The following SLC13A3 variants were observed in gnomAD, a reference collection of about 807,000 sequenced individuals.
SLC13A3 encodes solute carrier family 13 member 3.
SLC13A3 carries 40 observed loss-of-function variants against 59.0 expected under a neutral mutation model. The observed-to-expected ratio is 0.68, with a 90% CI of 0.53 to 0.88. SLC13A3 has a LOEUF of 0.88. Among genes scored for constraint, SLC13A3 ranks in the 40% least tolerant of loss-of-function variants. SLC13A3 has a pLI of 0.00. For synonymous variants in SLC13A3, 317 were observed against 330.3 expected (o/e 0.96, Z 0.44); for missense variants, 699 against 783.2 (o/e 0.89, Z 1.28).
intron 1 of SLC13A3, among the ~76,000 whole-genome samples, chr20:46,678,339 G>T (rs901191351): frequency 6.6e-6 from 1 of 152,236 alleles, no homozygotes; most frequent in East Asian, 1.9e-4. Context: ...GCGGCCTGGG[G>T]TCTCTATCTG....
At chr20:46,566,885 G>C (rs1300145850) in intron 10 of SLC13A3, among the ~76,000 whole-genome samples, 1 of 151,398 alleles carries the variant, frequency 6.6e-6, no homozygotes, top group Non-Finnish European at 1.5e-5. Flanking sequence ...ACACGTATCA[G>C]ATATACATCA....
chr20:46,604,849 G>A (rs915901480), intron 3 of SLC13A3, among the ~76,000 whole-genome samples: 43 of 152,328 alleles, frequency 2.8e-4, no homozygotes, highest in African/African-American at 8.4e-4. Flanking sequence ...AAGGTTGGGG[G>A]CAAAGTTGCT....
At chr20:46,596,672 G>A (rs1345095482) in intron 4 of SLC13A3, among the ~76,000 whole-genome samples, 1 of 152,196 alleles carries the variant, frequency 6.6e-6, no homozygotes, top group Non-Finnish European at 1.5e-5. Flanking sequence ...CTATTAAATG[G>A]ATGCTTACTA....
upstream of SLC13A3, among the ~76,000 whole-genome samples, chr20:46,653,340 GT>G (rs924054239): frequency 3.3e-5 from 5 of 152,292 alleles, no homozygotes; most frequent in East Asian, 9.6e-4. Context: ...TTTCTCGTAT[GT>G]TTAGTTTGCT....
At chr20:46,632,911 A>AGCTCTTTATCTACCCACCCAGATC (rs1253627891) in intron 1 of SLC13A3, among the ~76,000 whole-genome samples, 2,244 of 55,126 alleles carry the variant, frequency 0.041, 126 homozygotes, top group East Asian at 0.064. Flanking sequence ...ATAGATAGAT[A>AGCTCTTTATCTACCCACCCAGATC]TATCTATCTA....
chr20:46,589,303 A>G (rs772523743), intron 6 of SLC13A3, 48 bp from the exon 7 acceptor site: 1 of 1,515,594 alleles, frequency 6.6e-7, no homozygotes, highest in South Asian at 1.1e-5. Context: ...AGGTATAACT[A>G]ACTTCTCACC....
intron 1 of SLC13A3, among the ~76,000 whole-genome samples, chr20:46,675,616 T>G (rs1036734056): frequency 4.0e-4 from 60 of 151,226 alleles, no homozygotes; most frequent in African/African-American, 1.4e-3. Flanking sequence ...AACTAAACTG[T>G]GTCATCCAGG....
intron 2 of SLC13A3, among the ~76,000 whole-genome samples, chr20:46,612,532 C>G (rs1238846221): frequency 1.3e-5 from 2 of 151,960 alleles, no homozygotes. Flanking sequence ...TGTGATTAGG[C>G]CTATCACTCG....
At chr20:46,568,063 T>C (rs997414315) in intron 10 of SLC13A3, among the ~76,000 whole-genome samples, 1 of 152,110 alleles carries the variant, frequency 6.6e-6, no homozygotes, top group Admixed American at 6.6e-5. Context: ...AAGTCCCTGC[T>C]TACTCAGAAC....
At chr20:46,583,525 C>T (rs773232079) in intron 9 of SLC13A3, 47 bp downstream of exon 9, 44 of 1,584,022 alleles carry the variant, frequency 2.8e-5, no homozygotes, top group East Asian at 2.0e-4. Flanking sequence ...CACTCCATGC[C>T]GCAGTCCTCA....
chr20:46,657,773 G>A (rs1359005037), intron 1 of SLC13A3, among the ~76,000 whole-genome samples: 7 of 152,274 alleles, frequency 4.6e-5, no homozygotes, highest in South Asian at 2.1e-4. Context: ...GCTTTTACTC[G>A]TGGCAGAAGG....
intron 2 of SLC13A3, 64 bp from the exon 3 acceptor site, chr20:46,610,673 A>C: frequency 7.1e-7 from 1 of 1,411,408 alleles, no homozygotes; most frequent in South Asian, 1.3e-5. Flanking sequence ...CTCTGGTCCC[A>C]GTTTGCCATC....
At chr20:46,564,178 G>C (rs1490405638) in intron 11 of SLC13A3, among the ~76,000 whole-genome samples, 1 of 152,174 alleles carries the variant, frequency 6.6e-6, no homozygotes, top group East Asian at 1.9e-4. Flanking sequence ...ACCTCTTGTT[G>C]GGGGCATCCC....
At chr20:46,596,432 A>G in intron 4 of SLC13A3, 90 bp from the exon 5 acceptor site, 4 of 1,224,760 alleles carry the variant, frequency 3.3e-6, no homozygotes, top group Non-Finnish European at 4.7e-6. Flanking sequence ...TGATCTTTCT[A>G]GAAGGTAATT....
rs1237702744 is a variant in SLC13A3, at chr20:46,596,338, CT to C, written c.612del (p.Asp205ThrfsTer69). 6.2e-7 allele frequency: 1 copy of C among 1,613,814 alleles called. No homozygotes were observed. Among genetic ancestry groups the C allele is most frequent in the South Asian group, 1.1e-5 (1 of 91,024 alleles). On this transcript the variant is annotated frameshift_variant, in exon 5 of 13. Coordinates refer to ENST00000279027, the MANE Select transcript of SLC13A3 (RefSeq NM_022829.6). LOFTEE classifies it high-confidence loss of function. Reference protein sequence around the residue: ...EMQFLASTEAKDHPGETEVPL... With the variant: ...EMQFLASTEAXDHPGETEVPL... ...GGAACCTCTGTCTCCCCAGGGTGGT[CT>C]TTGCTTTAAACAAATCCAAAGAGAA...
intron 3 of SLC13A3, among the ~76,000 whole-genome samples, chr20:46,609,692 G>C (rs1475893436): frequency 6.6e-6 from 1 of 152,164 alleles, no homozygotes; most frequent in Non-Finnish European, 1.5e-5. Flanking sequence ...ATTTATAGAA[G>C]TACATGGTTC....
chr20:46,610,494 G>T lies in SLC13A3; in HGVS notation c.493C>A (p.Gln165Lys). ...CTGGGGTCCTTTCGAACCTCCTTCT[G>T]GCCAAAGAGACTTTTCAGGATGGCA... The part of the protein sequence containing the change: ...ANAILKSLFG[Q>K]KEVRKDPSQE... Residue 165 changes from glutamine to lysine, a missense_variant, in exon 3 of 13, where the codon CAG becomes AAG. Transcript: ENST00000279027. The T allele has an allele frequency of 6.2e-7, 1 of 1,614,022 alleles. No individual in the cohort carries two copies. The highest frequency in any genetic ancestry group is 2.2e-5 in the East Asian group (1 of 44,852).
At chr20:46,566,158 C>G in intron 11 of SLC13A3, 71 bp downstream of exon 11, 1 of 1,361,730 alleles carries the variant, frequency 7.3e-7, no homozygotes, top group Non-Finnish European at 1.0e-6. Context: ...GTGAAGGTCC[C>G]TTGGCGGGGG....
chr20:46,592,264 C>T lies in SLC13A3; in HGVS notation c.920+140G>A, dbSNP rs1392636581. The T allele has an allele frequency of 2.0e-5, 20 of 983,714 alleles. No homozygotes were observed. The South Asian group carries it at 3.0e-4, about 15-fold the overall frequency. The allele number at this position is 983,714 out of a possible 1,614,324, so 60.9% of individuals were successfully genotyped here. On this transcript the variant is annotated intron_variant, in intron 6 of 12. Coordinates refer to ENST00000279027, the MANE Select transcript of SLC13A3 (RefSeq NM_022829.6). ...ACATACATACATATATACATACCTA[C>T]ATACATACATACATAAAAGAAAGAA...
Sources: allele counts gnomAD v4.1 joint callset (sites outside exome capture counted in the v4.1 genomes callset), GRCh38; gene constraint gnomAD v4.1.1; transcripts MANE v1.5; gene names NCBI Gene and HGNC (gene_info 2026-07-23, HGNC 2026-07-21).